DLG2: variants seen among roughly 807,000 people sequenced by gnomAD.
DLG2 encodes disks large homolog 2.
In DLG2, 45 loss-of-function variants were observed where a neutral mutation model predicts 132.5. That is an observed-to-expected ratio of 0.34 (90% CI 0.27 to 0.44). The LOEUF is 0.44. Ranked by LOEUF, DLG2 falls within the 20% of genes least tolerant of loss-of-function variation. The pLI is 1.00. For synonymous variants in DLG2, 424 were observed against 419.6 expected (o/e 1.01, Z -0.13); for missense variants, 1,045 against 1,196.9 (o/e 0.87, Z 1.87).
At chr11:84,378,238 C>T (rs1306410465) in intron 7 of DLG2, among the ~76,000 whole-genome samples, 1 of 152,102 alleles carries the variant, frequency 6.6e-6, no homozygotes, top group Non-Finnish European at 1.5e-5. Flanking sequence ...GGCTGGTTTG[C>T]TCTTTCTCTT....
At chr11:84,441,357 T>C (rs962076049) in intron 7 of DLG2, among the ~76,000 whole-genome samples, 2 of 152,086 alleles carry the variant, frequency 1.3e-5, no homozygotes, top group Admixed American at 1.3e-4. Flanking sequence ...CTTGCTATAT[T>C]GCCCAGGCTG....
intron 19 of DLG2, among the ~76,000 whole-genome samples, chr11:83,607,618 T>C (rs1416408233): frequency 1.3e-5 from 2 of 152,206 alleles, no homozygotes; most frequent in Non-Finnish European, 2.9e-5. Context: ...CTCCTGGATA[T>C]ACCCAAAACA....
intron 26 of DLG2, among the ~76,000 whole-genome samples, chr11:83,464,284 T>TTAG (rs2090602912): frequency 6.6e-6 from 1 of 152,232 alleles, no homozygotes; most frequent in Non-Finnish European, 1.5e-5. Context: ...TATGTGCTAA[T>TTAG]AAGCTCTGTG....
intron 6 of DLG2, among the ~76,000 whole-genome samples, chr11:84,544,117 C>A (rs1356255072): frequency 6.6e-6 from 1 of 152,186 alleles, no homozygotes; most frequent in East Asian, 1.9e-4. Context: ...CATCTGTTAA[C>A]TGAAGATATT....
intron 7 of DLG2, among the ~76,000 whole-genome samples, chr11:84,484,191 T>C (rs1192078070): frequency 2.0e-5 from 3 of 152,130 alleles, no homozygotes; most frequent in Admixed American, 1.3e-4. Flanking sequence ...TAAATAGATA[T>C]TTACTTTAGC....
chr11:84,462,568 G>A (rs2154486049), intron 7 of DLG2, among the ~76,000 whole-genome samples: 1 of 150,932 alleles, frequency 6.6e-6, no homozygotes, highest in African/African-American at 2.4e-5. Flanking sequence ...TGTTTCACAG[G>A]GCTGTAAAGT....
chr11:84,179,112 A>G (rs1423356233), intron 8 of DLG2, among the ~76,000 whole-genome samples: 1 of 152,186 alleles, frequency 6.6e-6, no homozygotes, highest in East Asian at 1.9e-4. Flanking sequence ...AAAAAATTAA[A>G]GTATGACAAC....
intron 3 of DLG2, among the ~76,000 whole-genome samples, chr11:85,502,278 G>C (rs2093822317): frequency 1.3e-5 from 2 of 151,910 alleles, no homozygotes; most frequent in Non-Finnish European, 2.9e-5. Flanking sequence ...GGGGTGGTGG[G>C]CTAGGGGAGG....
chr11:84,607,284 G>A (rs1377396203), intron 6 of DLG2, among the ~76,000 whole-genome samples: 1 of 152,112 alleles, frequency 6.6e-6, no homozygotes, highest in African/African-American at 2.4e-5. Context: ...CTCTCCACTT[G>A]AGAGTCAGAA....
intron 18 of DLG2, among the ~76,000 whole-genome samples, chr11:83,644,867 C>T (rs2067671168): frequency 6.6e-6 from 1 of 151,948 alleles, no homozygotes; most frequent in African/African-American, 2.4e-5. Context: ...AAAATGTAAC[C>T]CTATGCCATT....
intron 6 of DLG2, among the ~76,000 whole-genome samples, chr11:85,097,826 T>C (rs2070137613): frequency 6.6e-6 from 1 of 152,164 alleles, no homozygotes; most frequent in Non-Finnish European, 1.5e-5. Flanking sequence ...ACCTGGGATT[T>C]TGGAGGAGGA....
intron 15 of DLG2, among the ~76,000 whole-genome samples, chr11:83,923,004 T>C (rs951629829): frequency 3.3e-5 from 5 of 152,076 alleles, no homozygotes; most frequent in Non-Finnish European, 5.9e-5. Flanking sequence ...AGACACATGC[T>C]GCCATTTACA....
At chr11:84,765,140 T>C (rs1199611903) in intron 6 of DLG2, among the ~76,000 whole-genome samples, 1 of 152,108 alleles carries the variant, frequency 6.6e-6, no homozygotes, top group Non-Finnish European at 1.5e-5. Flanking sequence ...GATTTTAAGC[T>C]TCTAATAGGC....
intron 9 of DLG2, among the ~76,000 whole-genome samples, chr11:84,143,888 T>C (rs745932424): frequency 6.6e-6 from 1 of 152,002 alleles, no homozygotes. Context: ...CGTTAGAAAA[T>C]TAAAGGGTTT....
In DLG2 at chr11:84,865,893, T is replaced by C. The variant is rs555816928; in HGVS notation, c.357+245768A>G. ...AGGGTAAAAGAAACAAACACATTTTTAAAATCTTCAGCCTCACAAGGTATC... is the reference window on the plus strand; with the variant it reads ...AGGGTAAAAGAAACAAACACATTTTCAAAATCTTCAGCCTCACAAGGTATC... On this transcript the variant is annotated intron_variant, in intron 6 of 27. Transcript: ENST00000376104. Among the ~76,000 whole-genome samples, 10 of 152,312 alleles carry C rather than the reference T, an allele frequency of 6.6e-5. No homozygotes were observed. The South Asian group carries it at 2.1e-3, about 32-fold the overall frequency.
intron 18 of DLG2, among the ~76,000 whole-genome samples, chr11:83,763,625 C>A (rs112800596): frequency 6.6e-6 from 1 of 152,102 alleles, no homozygotes; most frequent in South Asian, 2.1e-4. Flanking sequence ...TAAAAGGCAA[C>A]TTTTTCCACA....
chr11:85,393,424 C>A (rs1253850691), intron 3 of DLG2, among the ~76,000 whole-genome samples: 1 of 152,058 alleles, frequency 6.6e-6, no homozygotes, highest in Non-Finnish European at 1.5e-5. Context: ...CCTTAAAGAA[C>A]TAAAAGTAAA....
chr11:83,719,773 A>G (rs1368453860), intron 18 of DLG2, among the ~76,000 whole-genome samples: 1 of 152,172 alleles, frequency 6.6e-6, no homozygotes, highest in Non-Finnish European at 1.5e-5. Flanking sequence ...TCAAAACTAT[A>G]GCAGGAGGTG....
chr11:83,850,467 AATAG>A (rs960699906), intron 16 of DLG2, among the ~76,000 whole-genome samples: 3 of 152,094 alleles, frequency 2.0e-5, no homozygotes, highest in African/African-American at 7.2e-5. Context: ...TAAGTTTTCT[AATAG>A]ATAGGAGAGC....
Sources: allele counts gnomAD v4.1 joint callset (sites outside exome capture counted in the v4.1 genomes callset), GRCh38; gene constraint gnomAD v4.1.1; transcripts MANE v1.5; gene names NCBI Gene and HGNC (gene_info 2026-07-23, HGNC 2026-07-21).